WASL: variants seen among roughly 807,000 people sequenced by gnomAD.
WASL encodes actin nucleation-promoting factor WASL.
A neutral mutation model predicts 55.5 loss-of-function variants in WASL; 20 were observed. That is an observed-to-expected ratio of 0.36 (90% confidence interval 0.25 to 0.52). WASL has a LOEUF of 0.52. Ranked by LOEUF, WASL falls within the 20% of genes least tolerant of loss-of-function variation. The probability of loss-of-function intolerance (pLI) is 0.92; values close to 1 mark genes in which losing one functional copy is unlikely to be tolerated. For missense variants in WASL, 504 were observed against 622.5 expected (o/e 0.81, Z 2.03); for synonymous variants, 249 against 217.6 (o/e 1.14, Z -1.27).
intron 9 of WASL, 44 bp from the exon 10 acceptor site, chr7:123,689,194 C>T: frequency 2.0e-6 from 3 of 1,525,666 alleles, no homozygotes; most frequent in South Asian, 1.1e-5. Context: ...AATCTTTAGC[C>T]AAGAATCTTT....
chr7:123,748,026 C>T (rs377460502), intron 1 of WASL, among the ~76,000 whole-genome samples: 1 of 152,022 alleles, frequency 6.6e-6, no homozygotes, highest in Non-Finnish European at 1.5e-5. Flanking sequence ...CAGGCCTAGG[C>T]AAGGTTGCTA....
At chr7:123,698,106 T>G (rs1395104059) in intron 5 of WASL, among the ~76,000 whole-genome samples, 1 of 152,134 alleles carries the variant, frequency 6.6e-6, no homozygotes, top group Admixed American at 6.5e-5. Flanking sequence ...CCTTTGCTGA[T>G]TTTGTTTTAT....
chr7:123,733,509 T>C (rs968596167), intron 1 of WASL, among the ~76,000 whole-genome samples: 2 of 152,136 alleles, frequency 1.3e-5, no homozygotes, highest in Non-Finnish European at 2.9e-5. Context: ...ACAAGAGGTA[T>C]TTCAGGTTCA....
intron 1 of WASL, among the ~76,000 whole-genome samples, chr7:123,730,760 C>T (rs999397946): frequency 2.0e-5 from 3 of 152,124 alleles, no homozygotes; most frequent in African/African-American, 4.8e-5. Flanking sequence ...AAAATAACAA[C>T]CCGACTCTAT....
chr7:123,706,155 G>A lies in WASL; in HGVS notation c.436+122C>T. 4.3e-6 allele frequency: 4 copies of A among 925,698 alleles called. No homozygotes were observed. The African/African-American group carries it at 5.0e-5, about 12-fold the overall frequency. The allele number at this position is 925,698 out of a possible 1,614,324, so 57.3% of individuals were successfully genotyped here. ...GACAAAAAATAGCCAAAGACAACAT[G>A]TAAACCAATGAATACAGTTAAGTTT... On this transcript the variant is annotated intron_variant, in intron 4 of 10. Transcript: ENST00000223023.
chr7:123,732,784 AAATC>A (rs1584872361), intron 1 of WASL, among the ~76,000 whole-genome samples: 1 of 152,218 alleles, frequency 6.6e-6, no homozygotes, highest in East Asian at 1.9e-4. Flanking sequence ...GATGGAAAAA[AAATC>A]AACAACATAT....
chr7:123,742,203 T>A (rs549947171), intron 1 of WASL, among the ~76,000 whole-genome samples: 1 of 152,280 alleles, frequency 6.6e-6, no homozygotes, highest in South Asian at 2.1e-4. Flanking sequence ...CAGTAAAAGA[T>A]AAAACCCAGC....
chr7:123,709,670 C>T (rs928159065), intron 1 of WASL, among the ~76,000 whole-genome samples: 1 of 152,178 alleles, frequency 6.6e-6, no homozygotes, highest in African/African-American at 2.4e-5. Context: ...CCCCCTATTA[C>T]ACTGTTTCCC....
intron 5 of WASL, among the ~76,000 whole-genome samples, chr7:123,700,192 A>AC (rs1803560335): frequency 1.3e-5 from 2 of 148,622 alleles, no homozygotes. Context: ...AAAAAAAAAA[A>AC]AAAAAAAAAA....
intron 6 of WASL, 87 bp downstream of exon 6, chr7:123,696,489 AGAG>A (rs1803494693): frequency 1.5e-6 from 2 of 1,331,542 alleles, no homozygotes; most frequent in Non-Finnish European, 9.9e-7. Flanking sequence ...CCTCCCGAAA[AGAG>A]AAGAAAATTT....
chr7:123,743,181 AC>A (rs1459919741), intron 1 of WASL, among the ~76,000 whole-genome samples: 1 of 152,100 alleles, frequency 6.6e-6, no homozygotes, highest in Non-Finnish European at 1.5e-5. Context: ...TACTAAAAAT[AC>A]AAAAATTAGC....
At chr7:123,693,874 G>A (rs1471618758) in intron 8 of WASL, among the ~76,000 whole-genome samples, 1 of 152,168 alleles carries the variant, frequency 6.6e-6, no homozygotes, top group Non-Finnish European at 1.5e-5. Flanking sequence ...GCTGAGGCAT[G>A]AGAATCCTTT....
At chr7:123,693,197 A>C (rs1411906143) in intron 8 of WASL, among the ~76,000 whole-genome samples, 1 of 152,228 alleles carries the variant, frequency 6.6e-6, no homozygotes, top group Non-Finnish European at 1.5e-5. Flanking sequence ...ATACCAATGA[A>C]ATTAAACATT....
Position 123,700,608 on chromosome 7 carries a change from T to G in WASL, c.461-3861A>C, listed in dbSNP as rs1227529807. On this transcript the variant is annotated intron_variant, in intron 5 of 10. Transcript: ENST00000223023. ...GTGTGTGCCACTAAGCCTGGCTAAT[T>G]TTTCATATTTTAGTAGAGATGGGGT... Among the ~76,000 whole-genome samples, 3 of 152,144 alleles carry G rather than the reference T, an allele frequency of 2.0e-5. No individual in the cohort carries two copies. The East Asian group carries it at 5.8e-4, about 30-fold the overall frequency.
intron 1 of WASL, among the ~76,000 whole-genome samples, chr7:123,720,142 T>C (rs1300690777): frequency 3.9e-5 from 6 of 152,202 alleles, no homozygotes; most frequent in Admixed American, 1.3e-4. Context: ...CAGTAACGTG[T>C]TTGATCTATT....
chr7:123,697,384 G>A (rs1803510976), intron 5 of WASL, among the ~76,000 whole-genome samples: 1 of 152,074 alleles, frequency 6.6e-6, no homozygotes, highest in Admixed American at 6.6e-5. Context: ...AAATGTCAAA[G>A]GCATCTTTCC....
intron 1 of WASL, among the ~76,000 whole-genome samples, chr7:123,740,414 C>T (rs973496013): frequency 1.3e-5 from 2 of 151,962 alleles, no homozygotes; most frequent in African/African-American, 2.4e-5. Flanking sequence ...GTATAACTCT[C>T]GAATACTTCT....
intron 1 of WASL, chr7:123,720,239 T>A: frequency 2.4e-6 from 1 of 413,588 alleles, no homozygotes; most frequent in South Asian, 1.8e-5. Context: ...ATCTTCAGAA[T>A]CTTAAAATTA....
At chr7:123,692,284 A>G in intron 9 of WASL, 63 bp downstream of exon 9, 1 of 1,536,764 alleles carries the variant, frequency 6.5e-7, no homozygotes, top group Non-Finnish European at 8.7e-7. Flanking sequence ...ATCTTTCAAT[A>G]AATTACTTTA....
Sources: allele counts gnomAD v4.1 joint callset (sites outside exome capture counted in the v4.1 genomes callset), GRCh38; gene constraint gnomAD v4.1.1; transcripts MANE v1.5; gene names NCBI Gene and HGNC (gene_info 2026-07-23, HGNC 2026-07-21).